FRY: variants seen among roughly 807,000 people sequenced by gnomAD.
The protein encoded by FRY is protein furry homolog.
Under a neutral mutation model 348.4 loss-of-function variants are expected in FRY, and 128 were observed. The ratio of observed to expected loss-of-function variants is 0.37; its 90% CI spans 0.32 to 0.43. The LOEUF (loss-of-function observed/expected upper bound fraction) is 0.43. FRY is among the 20% of genes least tolerant of loss of function. FRY has a pLI of 1.00. For synonymous variants in FRY, 1,370 were observed against 1,374.7 expected (o/e 1.00, Z 0.08); for missense variants, 2,736 against 3,695.2 (o/e 0.74, Z 6.73).
intron 26 of FRY, among the ~76,000 whole-genome samples, chr13:32,185,824 C>A (rs1882994213): frequency 6.6e-6 from 1 of 152,128 alleles, no homozygotes; most frequent in Non-Finnish European, 1.5e-5. Flanking sequence ...TTCAGCGACC[C>A]TAAATTAAGA....
chr13:32,088,020 C>T (rs1468259257), intron 2 of FRY, among the ~76,000 whole-genome samples: 3 of 152,190 alleles, frequency 2.0e-5, no homozygotes, highest in Non-Finnish European at 4.4e-5. Flanking sequence ...CTGCACTGCT[C>T]TACATGCCAA....
At chr13:32,050,182 A>G (rs554081646) in intron 1 of FRY, among the ~76,000 whole-genome samples, 2 of 152,342 alleles carry the variant, frequency 1.3e-5, no homozygotes, top group African/African-American at 2.4e-5. Context: ...CATGACCTTA[A>G]ACCATTTAAA....
In FRY at chr13:32,124,636, A is replaced by T; in HGVS notation, c.590A>T (p.His197Leu). The T allele has an allele frequency of 6.3e-7, 1 of 1,598,332 alleles. No homozygotes were observed. The change falls in exon 6 of 61, where the codon CAT (histidine) becomes CTT (leucine). Residue 197 changes from histidine (H) to leucine (L), a missense_variant. Physicochemically the swap from His to Leu is moderately conservative, Grantham distance 99. Transcript: ENST00000542859. ...PLHPVIDSLI[H>L]DVINLAFKHF... ...CATCCTGTAATAGACAGTTTAATAC[A>T]TGATGTTATTAACTTGGCTTTCAAG... is the stretch of plus-strand genomic sequence containing the variant.
intron 51 of FRY, chr13:32,261,382 C>G: frequency 1.4e-6 from 1 of 698,876 alleles, no homozygotes; most frequent in Non-Finnish European, 2.6e-6. Context: ...ACCCACCATG[C>G]CAAAGAAAAG....
intron 11 of FRY, among the ~76,000 whole-genome samples, chr13:32,145,346 G>C (rs1880336746): frequency 6.6e-6 from 1 of 152,154 alleles, no homozygotes; most frequent in African/African-American, 2.4e-5. Context: ...AGATGACAGT[G>C]TTGGGAGCCT....
At chr13:32,185,932 A>G (rs1015652335) in intron 26 of FRY, among the ~76,000 whole-genome samples, 5 of 152,214 alleles carry the variant, frequency 3.3e-5, no homozygotes, top group Admixed American at 2.6e-4. Flanking sequence ...GGCAGCAGTC[A>G]AAAAACATTT....
chr13:32,239,334 C>T lies in FRY; in HGVS notation c.6501C>T (p.Ala2167=), dbSNP rs760794589. The T allele has an allele frequency of 1.9e-5, 31 of 1,599,162 alleles. No individual in the cohort carries two copies. In the South Asian group the frequency reaches 2.6e-4, roughly 14 times the overall value. ...CCAATCAGTTCTGTAAGGATATAGC[C>T]GAAAGGATTGCTCAGGTATGAGTTA... is the stretch of plus-strand genomic sequence containing the variant. ...ENPNQFCKDI[A]ERIAQVCLEE... Residue 2167 remains alanine (A), a synonymous_variant, in exon 45 of 61, where the codon GCC becomes GCT. Transcript: ENST00000542859. The surrounding 1 kb of genome is among the most constrained non-coding windows in gnomAD (Gnocchi z 4.3).
chr13:32,102,360 G>A (rs1233395217), intron 3 of FRY, among the ~76,000 whole-genome samples: 1 of 152,156 alleles, frequency 6.6e-6, no homozygotes, highest in African/African-American at 2.4e-5. Context: ...CTAAATGAAT[G>A]ATACTATGTG....
intron 1 of FRY, among the ~76,000 whole-genome samples, chr13:32,054,179 T>C (rs1873494757): frequency 6.6e-6 from 1 of 152,018 alleles, no homozygotes; most frequent in African/African-American, 2.4e-5. Flanking sequence ...TATCCTTTAC[T>C]GTTAACAGGA....
At chr13:32,281,907 C>T (rs1479771600) in intron 58 of FRY, among the ~76,000 whole-genome samples, 1 of 152,194 alleles carries the variant, frequency 6.6e-6, no homozygotes, top group Non-Finnish European at 1.5e-5. Context: ...GCAGCTCAAA[C>T]CTCACACTTT....
chr13:32,087,086 T>C (rs957634382), intron 2 of FRY, among the ~76,000 whole-genome samples: 7 of 152,170 alleles, frequency 4.6e-5, no homozygotes, highest in Non-Finnish European at 7.4e-5. Context: ...TTTGCTAACA[T>C]GAAAGAAGTA....
At chr13:32,048,438 A>C (rs1208046287) in intron 1 of FRY, among the ~76,000 whole-genome samples, 1 of 152,230 alleles carries the variant, frequency 6.6e-6, no homozygotes, top group Non-Finnish European at 1.5e-5. Flanking sequence ...TGTCCATGAA[A>C]AGAAAAGTGT....
chr13:32,250,149 G>C (rs929543449), intron 49 of FRY, among the ~76,000 whole-genome samples: 3 of 152,186 alleles, frequency 2.0e-5, no homozygotes, highest in Non-Finnish European at 4.4e-5. Context: ...CACGGGCTGA[G>C]CCATGCAGAT....
At chr13:32,072,416 G>A (rs1187144331) in intron 1 of FRY, among the ~76,000 whole-genome samples, 1 of 151,902 alleles carries the variant, frequency 6.6e-6, no homozygotes, top group Non-Finnish European at 1.5e-5. Flanking sequence ...ATCTTTTTGT[G>A]TTGCTGAAAC....
At chr13:32,075,821 C>G (rs1875014652) in intron 1 of FRY, among the ~76,000 whole-genome samples, 3 of 152,184 alleles carry the variant, frequency 2.0e-5, no homozygotes, top group South Asian at 4.1e-4. Flanking sequence ...TCATGCATCT[C>G]CAGATGCCTA....
chr13:32,053,927 T>G (rs1873482795), intron 1 of FRY, among the ~76,000 whole-genome samples: 1 of 152,076 alleles, frequency 6.6e-6, no homozygotes, highest in Non-Finnish European at 1.5e-5. Context: ...GATGCGGAGG[T>G]TGCAATGAGC....
At chr13:32,238,064 A>G (rs1405345201) in intron 44 of FRY, 78 bp downstream of exon 44, 55 of 1,489,802 alleles carry the variant, frequency 3.7e-5, no homozygotes, top group Non-Finnish European at 5.1e-5. Flanking sequence ...GATAATATGA[A>G]CTTACTGCTT....
At chr13:32,270,609 G>A (rs1352788090) in intron 55 of FRY, among the ~76,000 whole-genome samples, 1 of 152,204 alleles carries the variant, frequency 6.6e-6, no homozygotes, top group East Asian at 1.9e-4. Flanking sequence ...TAATTTGACA[G>A]TCCTGCACAA....
intron 51 of FRY, among the ~76,000 whole-genome samples, chr13:32,259,689 C>G (rs1427132291): frequency 1.3e-5 from 2 of 152,150 alleles, no homozygotes; most frequent in Non-Finnish European, 2.9e-5. Flanking sequence ...TCTCTTTTTA[C>G]TCTGCATAGT....
Sources: gnomAD v4.1 joint callset for allele counts (sites outside exome capture counted in the v4.1 genomes callset) on GRCh38, gnomAD v4.1.1 for gene constraint, Gnocchi (gnomAD v3.1) non-coding constraint, MANE v1.5 for transcripts, NCBI Gene and HGNC (gene_info 2026-07-23, HGNC 2026-07-21) for gene names.